SLMAP: variants seen among roughly 807,000 people sequenced by gnomAD.
SLMAP encodes sarcolemma associated protein, also known as sarcolemmal membrane-associated protein.
In SLMAP, 44 loss-of-function variants were observed where a neutral mutation model predicts 128.8. That is an observed-to-expected ratio of 0.34 (90% CI 0.27 to 0.44). SLMAP has a LOEUF of 0.44. SLMAP is among the 20% of genes least tolerant of loss of function. The pLI is 1.00. For missense variants in SLMAP, 787 were observed against 985.3 expected (o/e 0.80, Z 2.69); for synonymous variants, 327 against 348.8 (o/e 0.94, Z 0.70).
intron 2 of SLMAP, among the ~76,000 whole-genome samples, chr3:57,797,939 T>C (rs950403241): frequency 2.6e-5 from 4 of 152,204 alleles, no homozygotes; most frequent in Admixed American, 2.6e-4. Flanking sequence ...TCACCTCTTA[T>C]TACCTTGGTG....
At chr3:57,873,786 G>A (rs928226675) in intron 14 of SLMAP, among the ~76,000 whole-genome samples, 1 of 152,080 alleles carries the variant, frequency 6.6e-6, no homozygotes, top group African/African-American at 2.4e-5. Flanking sequence ...ACCAGCTTGG[G>A]CAACATAGTG....
Position 57,924,957 on chromosome 3 carries a change from G to T in SLMAP, c.2446-888G>T, listed in dbSNP as rs1418026096. Reference sequence around the variant, plus strand: ...CAGTGTTTTTTGTTTTTTGTTTTTTGTTTTTTTTTTTTTTGGTGACAGGGT... The same window carrying T: ...CAGTGTTTTTTGTTTTTTGTTTTTTTTTTTTTTTTTTTTTGGTGACAGGGT... On this transcript the variant is annotated intron_variant, in intron 23 of 24. Transcript: ENST00000671191. Among the ~76,000 whole-genome samples the T allele has an allele frequency of 1.9e-3, 258 of 136,784 alleles. 1 individual carries two copies. Among genetic ancestry groups the T allele is most frequent in the African/African-American group, 5.5e-3 (206 of 37,282 alleles). The allele number at this position is 136,784 out of a possible 152,430, so 89.7% of individuals were successfully genotyped here. A position where few individuals can be genotyped will look rare whatever the true frequency, so the allele number is the denominator to read the frequency against.
chr3:57,857,661 C>A, intron 6 of SLMAP, 72 bp from the exon 7 acceptor site: 1 of 984,442 alleles, frequency 1.0e-6, no homozygotes, highest in Non-Finnish European at 1.6e-6. Context: ...TTAGAATATG[C>A]TGAAAATTGA....
Position 57,860,714 on chromosome 3 carries a change from A to T in SLMAP, c.703A>T (p.Ser235Cys), listed in dbSNP as rs774215191. 1.9e-6 allele frequency: 3 copies of T among 1,564,232 alleles called. No individual in the cohort carries two copies. Among genetic ancestry groups the T allele is most frequent in the Non-Finnish European group, 2.6e-6 (3 of 1,162,474 alleles). Residue 235 changes from serine (S) to cysteine (C), a missense_variant, in exon 9 of 25, where the codon AGT (serine) becomes TGT (cysteine). Transcript: ENST00000671191. Reference sequence around the variant, plus strand: ...TTTATTGTAGAATCAAACAGAAGATAGTTTACGAAAGGAACTTATAGCATT... The same window carrying T: ...TTTATTGTAGAATCAAACAGAAGATTGTTTACGAAAGGAACTTATAGCATT... ...QACSKNQTED[S>C]LRKELIALQE...
At chr3:57,896,057 G>GT (rs35883360) in intron 15 of SLMAP, among the ~76,000 whole-genome samples, 129,136 of 151,028 alleles carry the variant, frequency 0.86, 55,709 homozygotes, top group East Asian at 0.99. Flanking sequence ...ACTGATCGTG[G>GT]TTTTTTTTTA....
chr3:57,926,010 G>A, intron 24 of SLMAP, 76 bp downstream of exon 24: 1 of 1,013,526 alleles, frequency 9.9e-7, no homozygotes, highest in South Asian at 1.4e-5. Context: ...TATAGTGCAT[G>A]GCAAGAACAC....
chr3:57,914,322 A>G (rs1463098969), intron 21 of SLMAP, among the ~76,000 whole-genome samples: 2 of 152,154 alleles, frequency 1.3e-5, no homozygotes, highest in Admixed American at 1.3e-4. Context: ...TGAGCCTAGG[A>G]GGTGGGGACT....
At chr3:57,785,095 A>G (rs1376616348) in intron 2 of SLMAP, among the ~76,000 whole-genome samples, 1 of 152,224 alleles carries the variant, frequency 6.6e-6, no homozygotes, top group Admixed American at 6.5e-5. Flanking sequence ...AAAACAAACA[A>G]GTATTTCAGC....
chr3:57,904,079 G>T (rs1339610580), intron 17 of SLMAP, among the ~76,000 whole-genome samples: 1 of 151,940 alleles, frequency 6.6e-6, no homozygotes, highest in East Asian at 1.9e-4. Context: ...ATGGCACTTG[G>T]TTTTCTAGAA....
At chr3:57,772,991 G>T (rs1211590293) in intron 2 of SLMAP, among the ~76,000 whole-genome samples, 1 of 152,184 alleles carries the variant, frequency 6.6e-6, no homozygotes, top group African/African-American at 2.4e-5. Flanking sequence ...TGCTAAGCTT[G>T]TATGTTTGGT....
chr3:57,929,499 A>G lies in SLMAP; in HGVS notation c.*2210A>G, dbSNP rs1283208594. On this transcript the variant is annotated 3_prime_UTR_variant, in exon 25 of 25. Transcript: ENST00000671191. ...TAGTTACTTCCAGTTTTCCTCAAGA[A>G]TAGAAATAAGTCTGTTCATAAGCAA... Among the ~76,000 whole-genome samples, 2 of 152,220 alleles carry G rather than the reference A, an allele frequency of 1.3e-5. No homozygotes were observed. The highest frequency in any genetic ancestry group is 2.9e-5 in the Non-Finnish European group (2 of 68,022).
At chr3:57,810,350 G>A (rs1429747512) in intron 2 of SLMAP, among the ~76,000 whole-genome samples, 2 of 152,196 alleles carry the variant, frequency 1.3e-5, no homozygotes, top group Non-Finnish European at 2.9e-5. Context: ...CATGAACCGA[G>A]TGCAGCCTGC....
At chr3:57,832,499 T>G (rs895949285) in intron 3 of SLMAP, among the ~76,000 whole-genome samples, 1 of 152,216 alleles carries the variant, frequency 6.6e-6, no homozygotes, top group Non-Finnish European at 1.5e-5. Context: ...ACCATGAAAT[T>G]ATATAGCTAA....
intron 2 of SLMAP, among the ~76,000 whole-genome samples, chr3:57,789,275 G>A (rs376071132): frequency 2.0e-5 from 3 of 152,280 alleles, no homozygotes; most frequent in African/African-American, 7.2e-5. Context: ...TGTGGGGATT[G>A]CGGGGCGAGG....
intron 17 of SLMAP, among the ~76,000 whole-genome samples, chr3:57,905,441 C>G (rs2096507000): frequency 6.6e-6 from 1 of 151,958 alleles, no homozygotes; most frequent in Non-Finnish European, 1.5e-5. Flanking sequence ...ATCACCAAAC[C>G]CAGTTAATTT....
rs530119256 is a variant in SLMAP, at chr3:57,799,714, A to G, written c.199-31669A>G. ...AACATCAGGATGATGTATTTTTTTT[A>G]TTGCACCACTGGACCTTTGGAACTC... On this transcript the variant is annotated intron_variant, in intron 2 of 24. Transcript: ENST00000671191. 2.0e-3 allele frequency among the ~76,000 whole-genome samples: 311 copies of G among 152,168 alleles called. 7 individuals are homozygous for G. In the South Asian group the frequency reaches 0.038, roughly 19 times the overall value.
intron 2 of SLMAP, among the ~76,000 whole-genome samples, chr3:57,766,445 A>C (rs1311592698): frequency 6.6e-6 from 1 of 152,108 alleles, no homozygotes; most frequent in Non-Finnish European, 1.5e-5. Context: ...AATATATGTC[A>C]GTTACTTCAT....
intron 17 of SLMAP, among the ~76,000 whole-genome samples, chr3:57,906,310 C>CTTTTTCTTTTTTTTTTTTTTTTTTTTT (rs2096549127): frequency 1.5e-4 from 7 of 47,034 alleles, no homozygotes; most frequent in East Asian, 9.8e-4. Flanking sequence ...CTTTTTTTTT[C>CTTTTTCTTTTTTTTTTTTTTTTTTTTT]TTTTTTTTTT....
intron 2 of SLMAP, among the ~76,000 whole-genome samples, chr3:57,772,138 G>A (rs1272977365): frequency 2.6e-5 from 4 of 152,234 alleles, no homozygotes; most frequent in Non-Finnish European, 5.9e-5. Flanking sequence ...TCAAGATTGA[G>A]AAGGCTTGTT....
Sources: gnomAD v4.1 joint callset for allele counts (sites outside exome capture counted in the v4.1 genomes callset) on GRCh38, gnomAD v4.1.1 for gene constraint, MANE v1.5 for transcripts, NCBI Gene and HGNC (gene_info 2026-07-23, HGNC 2026-07-21) for gene names.